The following DOCK4 variants were observed in gnomAD, a reference collection of about 807,000 sequenced individuals.
DOCK4 encodes dedicator of cytokinesis protein 4.
DOCK4 carries 97 observed loss-of-function variants against 268.1 expected under a neutral mutation model. The ratio of observed to expected loss-of-function variants is 0.36; its 90% CI spans 0.31 to 0.43. The LOEUF (loss-of-function observed/expected upper bound fraction) is 0.43, where lower values mean the gene tolerates loss of function less well. DOCK4 is among the 20% of genes least tolerant of loss of function. The pLI is 1.00. For missense variants in DOCK4, 2,145 were observed against 2,455.7 expected, an observed-to-expected ratio of 0.87 and a Z score of 2.67; for synonymous variants, 954 against 887.2, an observed-to-expected ratio of 1.08 and a Z score of -1.34.
intron 32 of DOCK4, among the ~76,000 whole-genome samples, chr7:111,785,332 G>C (rs551948097): frequency 6.6e-6 from 1 of 152,218 alleles, no homozygotes; most frequent in South Asian, 2.1e-4. Flanking sequence ...ATGAAAATCT[G>C]CCTGCCAAAA....
intron 6 of DOCK4, among the ~76,000 whole-genome samples, chr7:111,985,881 A>T (rs1799014710): frequency 6.6e-6 from 1 of 152,192 alleles, no homozygotes. Context: ...ACCGTACTAC[A>T]GTGTAAGTCA....
intron 1 of DOCK4, among the ~76,000 whole-genome samples, chr7:112,150,965 C>T (rs1437538823): frequency 6.6e-6 from 1 of 152,158 alleles, no homozygotes; most frequent in African/African-American, 2.4e-5. Flanking sequence ...ACAAGGATCT[C>T]TTAAGGATGA....
intron 16 of DOCK4, among the ~76,000 whole-genome samples, chr7:111,877,446 T>C (rs1013341): frequency 0.47 from 70,914 of 152,004 alleles, 18,173 homozygotes; most frequent in African/African-American, 0.69. Context: ...ATTATTTAAC[T>C]ACACACTGTT....
At chr7:112,117,492 T>C (rs1333876578) in intron 1 of DOCK4, among the ~76,000 whole-genome samples, 1 of 152,148 alleles carries the variant, frequency 6.6e-6, no homozygotes, top group East Asian at 1.9e-4. Flanking sequence ...TACCTCAGCC[T>C]CCCAAGTAGC....
intron 30 of DOCK4, among the ~76,000 whole-genome samples, chr7:111,802,556 C>T (rs57371545): frequency 0.074 from 11,193 of 152,204 alleles, 1,392 homozygotes; most frequent in African/African-American, 0.25. Flanking sequence ...CATGCCTGAG[C>T]TGGTAGATGA....
At chr7:112,036,656 C>CT (rs57264652) in intron 1 of DOCK4, among the ~76,000 whole-genome samples, 62 of 106,206 alleles carry the variant, frequency 5.8e-4, no homozygotes, top group African/African-American at 1.6e-3. Context: ...TAGAGGATTT[C>CT]TTTTTTTTTT....
intron 23 of DOCK4, among the ~76,000 whole-genome samples, chr7:111,853,650 C>T (rs548593286): frequency 2.1e-4 from 32 of 152,304 alleles, no homozygotes; most frequent in African/African-American, 6.7e-4. Flanking sequence ...TGGAGGGCTA[C>T]GGATGATCCC....
intron 42 of DOCK4, 23 bp from the exon 43 acceptor site, chr7:111,747,466 T>C: frequency 1.9e-6 from 3 of 1,552,934 alleles, no homozygotes; most frequent in Non-Finnish European, 2.6e-6. Flanking sequence ...TGAACATAAA[T>C]ATATATTGAA....
chr7:111,955,535 A>G (rs888606965), intron 8 of DOCK4, among the ~76,000 whole-genome samples: 3 of 152,216 alleles, frequency 2.0e-5, no homozygotes, highest in African/African-American at 7.2e-5. Context: ...TTTGAATAAC[A>G]AGCCAATTCT....
intron 1 of DOCK4, among the ~76,000 whole-genome samples, chr7:112,128,902 A>G (rs1813536276): frequency 6.6e-6 from 1 of 152,108 alleles, no homozygotes; most frequent in African/African-American, 2.4e-5. Context: ...AACACCCAAG[A>G]ATGATCAATA....
At chr7:112,146,773 C>T (rs1815545807) in intron 1 of DOCK4, among the ~76,000 whole-genome samples, 1 of 152,070 alleles carries the variant, frequency 6.6e-6, no homozygotes, top group Non-Finnish European at 1.5e-5. Flanking sequence ...TTACAGAGAT[C>T]TAGGAGGCTT....
At chr7:112,052,983 T>TA (rs1788445811) in intron 1 of DOCK4, among the ~76,000 whole-genome samples, 2 of 152,166 alleles carry the variant, frequency 1.3e-5, no homozygotes, top group Admixed American at 1.3e-4. Context: ...TCCCCGGAGT[T>TA]AAAAAAGCCA....
rs537800603 is a variant in DOCK4, at chr7:111,883,789, C to T, written c.1588-6603G>A. On this transcript the variant is annotated intron_variant, in intron 16 of 52. Coordinates refer to ENST00000428084, the MANE Select transcript of DOCK4 (RefSeq NM_001363540.2). Reference sequence around the variant, plus strand: ...TCCCCCAGCCTGGAGGGTCCAAGACCTCAGCATCTGAGTCTGTCTGAGTTA... The same window carrying T: ...TCCCCCAGCCTGGAGGGTCCAAGACTTCAGCATCTGAGTCTGTCTGAGTTA... Among the ~76,000 whole-genome samples the T allele has an allele frequency of 3.3e-5, 5 of 152,280 alleles. No homozygotes were observed. The East Asian group carries it at 9.7e-4, about 29-fold the overall frequency.
intron 4 of DOCK4, among the ~76,000 whole-genome samples, chr7:111,996,034 G>A (rs1799928712): frequency 6.6e-6 from 1 of 152,180 alleles, no homozygotes; most frequent in Non-Finnish European, 1.5e-5. Flanking sequence ...TGGAGATGGA[G>A]ATTATAAAAT....
intron 1 of DOCK4, among the ~76,000 whole-genome samples, chr7:112,076,650 T>C (rs1217513656): frequency 6.6e-6 from 1 of 152,168 alleles, no homozygotes; most frequent in Non-Finnish European, 1.5e-5. Flanking sequence ...TTATCATTTC[T>C]TTATGGTTAC....
intron 50 of DOCK4, among the ~76,000 whole-genome samples, chr7:111,735,939 C>T (rs972879583): frequency 1.3e-5 from 2 of 152,166 alleles, no homozygotes; most frequent in African/African-American, 4.8e-5. Context: ...ATGGAGTTAC[C>T]ACTCTTAAAA....
chr7:111,863,645 C>T, intron 22 of DOCK4, 81 bp from the exon 23 acceptor site: 3 of 1,376,570 alleles, frequency 2.2e-6, no homozygotes, highest in Non-Finnish European at 2.9e-6. Flanking sequence ...AGTTTAAGGA[C>T]CGTGGCAAGT....
chr7:112,132,860 A>T (rs1187497272), intron 1 of DOCK4, among the ~76,000 whole-genome samples: 1 of 152,186 alleles, frequency 6.6e-6, no homozygotes, highest in African/African-American at 2.4e-5. Flanking sequence ...CTTTCGCTGC[A>T]GGATTCATTA....
intron 1 of DOCK4, among the ~76,000 whole-genome samples, chr7:112,055,797 A>G (rs537093449): frequency 1.3e-5 from 2 of 151,868 alleles, no homozygotes; most frequent in East Asian, 1.9e-4. Context: ...AAACCCAGCT[A>G]CTCAGAAGGC....
Sources: gnomAD v4.1 joint callset for allele counts (sites outside exome capture counted in the v4.1 genomes callset) on GRCh38, gnomAD v4.1.1 for gene constraint, MANE v1.5 for transcripts, NCBI Gene and HGNC (gene_info 2026-07-23, HGNC 2026-07-21) for gene names.